Variants in DNMBP observed in about 807,000 individuals in gnomAD.
DNMBP encodes the protein dynamin-binding protein.
DNMBP carries 87 observed loss-of-function variants against 150.0 expected under a neutral mutation model. The observed-to-expected ratio is 0.58, with a 90% CI of 0.49 to 0.69. The LOEUF (loss-of-function observed/expected upper bound fraction) is 0.69. Among genes scored for constraint, DNMBP ranks in the 30% least tolerant of loss-of-function variants. The pLI is 0.00. For synonymous variants in DNMBP, 711 were observed against 750.4 expected, an observed-to-expected ratio of 0.95 and a Z score of 0.86; for missense variants, 1,774 against 1,949.0, an observed-to-expected ratio of 0.91 and a Z score of 1.69.
At chr10:99,901,222 C>T (rs2039732517) in intron 6 of DNMBP, among the ~76,000 whole-genome samples, 2 of 152,172 alleles carry the variant, frequency 1.3e-5, no homozygotes, top group South Asian at 2.1e-4. Context: ...AGGTGTGAGC[C>T]CCAGCCATAT....
chr10:99,911,791 C>T (rs1279071774), intron 4 of DNMBP, among the ~76,000 whole-genome samples: 2 of 152,144 alleles, frequency 1.3e-5, no homozygotes, highest in Non-Finnish European at 2.9e-5. Flanking sequence ...TGAAGCATAA[C>T]CCTGATTTCA....
intron 15 of DNMBP, among the ~76,000 whole-genome samples, 179 bp downstream of exon 15, chr10:99,883,832 T>A (rs1374373412): frequency 6.6e-6 from 1 of 152,014 alleles, no homozygotes; most frequent in East Asian, 1.9e-4. Flanking sequence ...CAAAAAGAGG[T>A]TTTGTTTCAG....
chr10:99,991,766 C>T (rs554439890), intron 1 of DNMBP, among the ~76,000 whole-genome samples: 9 of 151,668 alleles, frequency 5.9e-5, no homozygotes, highest in East Asian at 4.0e-4. Context: ...GTTAGCCAGG[C>T]GTGGTGGCAG....
At position 99,930,790 on chromosome 10, in the gene DNMBP, T is replaced by G. The variant is rs112804688; in HGVS notation, c.2261-21644A>C. The G allele has an allele frequency of 1.3e-3, 843 of 628,556 alleles. 7 individuals are homozygous for G. In the African/African-American group the frequency reaches 0.014, roughly 10 times the overall value. The allele number at this position is 628,556 out of a possible 1,614,324, so 38.9% of individuals were successfully genotyped here. On this transcript the variant is annotated intron_variant, in intron 4 of 16. Transcript: ENST00000324109. Reference sequence around the variant, plus strand: ...TTCTATGTGCTTAAAGACAAAGGTTTTACTATTCTTTTCCATGGGCCTGGG... The same window carrying G: ...TTCTATGTGCTTAAAGACAAAGGTTGTACTATTCTTTTCCATGGGCCTGGG...
Position 99,892,584 on chromosome 10 carries a change from A to C in DNMBP, c.3156+2362T>G, listed in dbSNP as rs574969376. ...GCATGCTCGTTAAGAGTCATCACCA[A>C]TCCCTAATCTCAAGTAATCAGGGAC... On this transcript the variant is annotated intron_variant, in intron 11 of 16. Coordinates refer to ENST00000324109, the MANE Select transcript of DNMBP (RefSeq NM_015221.4). 6.4e-4 allele frequency among the ~76,000 whole-genome samples: 85 copies of C among 133,102 alleles called. 2 individuals are homozygous for C. The highest frequency in any genetic ancestry group is 2.5e-3 in the African/African-American group (84 of 34,280). The allele number at this position is 133,102 out of a possible 152,430, so 87.3% of individuals were successfully genotyped here.
intron 1 of DNMBP, among the ~76,000 whole-genome samples, chr10:100,003,353 AAAAC>A (rs1402935633): frequency 6.6e-6 from 1 of 152,152 alleles, no homozygotes; most frequent in East Asian, 1.9e-4. Context: ...TTCCAAAAGA[AAAAC>A]AAACAAACAA....
chr10:99,944,674 G>A (rs1439816790), intron 4 of DNMBP, among the ~76,000 whole-genome samples: 1 of 151,980 alleles, frequency 6.6e-6, no homozygotes, highest in African/African-American at 2.4e-5. Context: ...GGATGAATGA[G>A]TGATTGACCT....
chr10:99,982,072 G>T (rs188035582), intron 1 of DNMBP, among the ~76,000 whole-genome samples: 1 of 152,258 alleles, frequency 6.6e-6, no homozygotes, highest in African/African-American at 2.4e-5. Context: ...CAATTTGAGT[G>T]TGCCTTCTGT....
At chr10:99,949,470 T>C (rs2040395852) in intron 4 of DNMBP, among the ~76,000 whole-genome samples, 2 of 152,206 alleles carry the variant, frequency 1.3e-5, no homozygotes, top group African/African-American at 4.8e-5. Flanking sequence ...ACTGGTTAAT[T>C]TCCACCTCTT....
At chr10:99,881,654 C>T (rs2039368801) in intron 15 of DNMBP, among the ~76,000 whole-genome samples, 1 of 152,176 alleles carries the variant, frequency 6.6e-6, no homozygotes, top group Non-Finnish European at 1.5e-5. Context: ...AAGGATGGAG[C>T]AGTTTCTTAA....
At chr10:99,952,776 AT>A (rs1044010465) in intron 4 of DNMBP, among the ~76,000 whole-genome samples, 13 of 152,108 alleles carry the variant, frequency 8.5e-5, no homozygotes, top group African/African-American at 3.1e-4. Flanking sequence ...TTTTATTGGA[AT>A]TTTTTTATTC....
chr10:99,990,475 C>T (rs1469296303), intron 1 of DNMBP, among the ~76,000 whole-genome samples: 11 of 151,628 alleles, frequency 7.3e-5, no homozygotes, highest in Admixed American at 7.2e-4. Flanking sequence ...TGGCTTCCAC[C>T]CAGGAGGCAG....
intron 1 of DNMBP, among the ~76,000 whole-genome samples, chr10:99,991,371 C>A (rs2040889413): frequency 6.6e-6 from 1 of 151,966 alleles, no homozygotes; most frequent in Non-Finnish European, 1.5e-5. Flanking sequence ...GCCACCGCGG[C>A]CGGTCTGAGA....
intron 1 of DNMBP, among the ~76,000 whole-genome samples, chr10:100,002,657 T>C (rs188281681): frequency 5.1e-4 from 77 of 152,280 alleles, no homozygotes; most frequent in African/African-American, 1.4e-3. Flanking sequence ...TAAACTTGTA[T>C]TGGAATCTTG....
chr10:99,998,572 T>A (rs1160700944), intron 1 of DNMBP, among the ~76,000 whole-genome samples: 7 of 115,648 alleles, frequency 6.1e-5, no homozygotes, highest in Admixed American at 2.1e-4. Flanking sequence ...AGAGTGAGAC[T>A]CCGTCTCAAA....
intron 1 of DNMBP, among the ~76,000 whole-genome samples, chr10:99,996,108 T>TA (rs1313439653): frequency 6.6e-6 from 1 of 152,264 alleles, no homozygotes; most frequent in Non-Finnish European, 1.5e-5. Context: ...CATCAACACT[T>TA]ACTGTGAATA....
At chr10:100,005,000 T>C (rs1214120039) in intron 1 of DNMBP, among the ~76,000 whole-genome samples, 1 of 152,194 alleles carries the variant, frequency 6.6e-6, no homozygotes, top group East Asian at 1.9e-4. Context: ...GCTATCTGTA[T>C]AAGAGATACT....
At chr10:99,989,817 GCTATGTA>G (rs1394145313) in intron 1 of DNMBP, among the ~76,000 whole-genome samples, 1 of 148,958 alleles carries the variant, frequency 6.7e-6, no homozygotes, top group Non-Finnish European at 1.5e-5. Flanking sequence ...CTATTAAACT[GCTATGTA>G]CCCCCTCTTC....
intron 15 of DNMBP, among the ~76,000 whole-genome samples, chr10:99,883,405 T>G (rs887744034): frequency 6.6e-6 from 1 of 152,030 alleles, no homozygotes; most frequent in African/African-American, 2.4e-5. Flanking sequence ...GGCTCACACC[T>G]ATAATCCCAG....
Sources: gnomAD v4.1 joint callset for allele counts (sites outside exome capture counted in the v4.1 genomes callset) on GRCh38, gnomAD v4.1.1 for gene constraint, MANE v1.5 for transcripts, NCBI Gene and HGNC (gene_info 2026-07-23, HGNC 2026-07-21) for gene names.